Variants in MTHFD2 observed in about 807,000 individuals in gnomAD.
MTHFD2 encodes methylenetetrahydrofolate dehydrogenase (NADP+ dependent) 2, methenyltetrahydrofolate cyclohydrolase.
In MTHFD2, 26 loss-of-function variants were observed where a neutral mutation model predicts 36.8. That is an observed-to-expected ratio of 0.71 (90% confidence interval 0.52 to 0.98). The LOEUF is 0.98. Ranked by LOEUF, MTHFD2 falls within the 50% of genes least tolerant of loss-of-function variation. The probability of loss-of-function intolerance (pLI) is 0.00; values close to 1 mark genes in which losing one functional copy is unlikely to be tolerated. For synonymous variants in MTHFD2, 164 were observed against 155.2 expected (o/e 1.06, Z -0.42); for missense variants, 373 against 434.0 (o/e 0.86, Z 1.25).
intron 7 of MTHFD2, among the ~76,000 whole-genome samples, chr2:74,212,598 C>A (rs1485682090): frequency 6.6e-6 from 1 of 151,924 alleles, no homozygotes; most frequent in Non-Finnish European, 1.5e-5. Context: ...ATTAGAGAAA[C>A]CTTTTTAAAA....
At chr2:74,213,237 C>T (rs751978622) in intron 7 of MTHFD2, among the ~76,000 whole-genome samples, 27 of 146,366 alleles carry the variant, frequency 1.8e-4, no homozygotes, top group Non-Finnish European at 2.7e-4. Context: ...AATGTTTATC[C>T]GAGTTTTATG....
rs1694475162 is a variant in MTHFD2 at position 74,217,313 on chromosome 2, T to G, written c.*3071T>G. ...GGTCATAGTAGGCATTAAATCAACA[T>G]GGTTGGTGTTCATTAAATGTGGATT... On this transcript the variant is annotated 3_prime_UTR_variant, in exon 8 of 8. Coordinates refer to ENST00000394053, the MANE Select transcript of MTHFD2 (RefSeq NM_006636.4). 6.6e-6 allele frequency: 1 copy of G among 152,226 alleles called. No homozygotes were observed. Among genetic ancestry groups the G allele is most frequent in the African/African-American group, 2.4e-5 (1 of 41,468 alleles). The allele number at this position is 152,226 out of a possible 1,614,324, so 9.4% of individuals were successfully genotyped here. A position where few individuals can be genotyped will look rare whatever the true frequency, so the allele number is the denominator to read the frequency against.
chr2:74,203,906 G>GTTTAGTTAGT lies in MTHFD2; in HGVS notation c.102-1797_102-1796insTAGTTAGTTT, dbSNP rs369717981. Among the ~76,000 whole-genome samples, 269 of 29,462 alleles carry GTTTAGTTAGT rather than the reference G, an allele frequency of 9.1e-3. 3 individuals are homozygous for GTTTAGTTAGT. The highest frequency in any genetic ancestry group is 0.058 in the Middle Eastern group (3 of 52). 19.3% of individuals were successfully genotyped at this position (29,462 alleles called of 152,430 possible). On this transcript the variant is annotated intron_variant, in intron 1 of 7. Transcript: ENST00000394053. ...GTTTAGTTTAGTTTAGTTTAGTTTA[G>GTTTAGTTAGT]TTAGTTTAGTTTAGTTTAGTTTTTT...
intron 1 of MTHFD2, among the ~76,000 whole-genome samples, chr2:74,202,194 T>C (rs554841682): frequency 1.0e-3 from 153 of 152,282 alleles, no homozygotes; most frequent in African/African-American, 3.6e-3. Context: ...TATATACTTA[T>C]ATATATCTCC....
rs1448755215 is a variant in MTHFD2 at position 74,198,718 on chromosome 2, G to A, written c.77G>A (p.Arg26His). 1 of 1,610,474 alleles carries A rather than the reference G, an allele frequency of 6.2e-7. No individual in the cohort carries two copies. Among genetic ancestry groups the A allele is most frequent in the Admixed American group, 1.7e-5 (1 of 59,846 alleles). Residue 26 changes from arginine to histidine, a missense_variant, in exon 1 of 8, where the codon CGC (arginine) becomes CAC (histidine). This residue lies in a region of MTHFD2 where 65 missense variants were observed against 36.1 expected (regional missense o/e 1.80). Transcript: ENST00000394053. ...QPAHSCSLRL[R>H]PFHLAAVRNE... ...GCGCACAGCTGCTCCCTTCGCCTTC[G>A]CCCTTTCCACCTCGCGGCAGTTCGG...
chr2:74,204,465 T>C (rs1389007724), intron 1 of MTHFD2, among the ~76,000 whole-genome samples: 2 of 152,208 alleles, frequency 1.3e-5, no homozygotes, highest in Non-Finnish European at 2.9e-5. Flanking sequence ...TGTCTCCCAT[T>C]GGTGTGACTA....
intron 1 of MTHFD2, among the ~76,000 whole-genome samples, chr2:74,203,181 T>G (rs1694081157): frequency 6.6e-6 from 1 of 152,228 alleles, no homozygotes; most frequent in South Asian, 2.1e-4. Flanking sequence ...AATTTTTGTA[T>G]TTTTAGTAGA....
intron 2 of MTHFD2, among the ~76,000 whole-genome samples, chr2:74,207,153 G>T (rs931705617): frequency 6.6e-6 from 1 of 151,804 alleles, no homozygotes; most frequent in African/African-American, 2.4e-5. Flanking sequence ...TTTAGAGACG[G>T]AGTCTCGCTC....
intron 2 of MTHFD2, 99 bp downstream of exon 2, chr2:74,205,988 C>G: frequency 1.6e-6 from 2 of 1,280,086 alleles, no homozygotes; most frequent in Non-Finnish European, 2.2e-6. Flanking sequence ...TTAGGAAACC[C>G]AAGCAGAGGA....
chr2:74,211,705 C>T, intron 6 of MTHFD2, 36 bp from the exon 7 acceptor site: 2 of 1,560,830 alleles, frequency 1.3e-6, no homozygotes, highest in Non-Finnish European at 1.7e-6. Context: ...AGACTGTTTT[C>T]AGTACTAAGT....
chr2:74,202,003 T>A (rs1694052845), intron 1 of MTHFD2, among the ~76,000 whole-genome samples: 1 of 152,038 alleles, frequency 6.6e-6, no homozygotes, highest in South Asian at 2.1e-4. Context: ...AGAACCTGCT[T>A]TTGGAAGCAA....
At chr2:74,204,752 A>G (rs1157591232) in intron 1 of MTHFD2, among the ~76,000 whole-genome samples, 1 of 152,186 alleles carries the variant, frequency 6.6e-6, no homozygotes, top group African/African-American at 2.4e-5. Flanking sequence ...TATTCTTACC[A>G]GGAAAGTCTT....
Position 74,198,745 on chromosome 2 carries a change from A to G in MTHFD2, c.101+3A>G. 4 of 1,605,808 alleles carry G rather than the reference A, an allele frequency of 2.5e-6. No homozygotes were observed. The highest frequency in any genetic ancestry group is 3.4e-6 in the Non-Finnish European group (4 of 1,176,896). Reference sequence around the variant, plus strand: ...CCTTTCCACCTCGCGGCAGTTCGGTAAGAGGGTCACAGAGCTCGGTCAGCG... The same window carrying G: ...CCTTTCCACCTCGCGGCAGTTCGGTGAGAGGGTCACAGAGCTCGGTCAGCG... On this transcript the variant is annotated splice_donor_region_variant and intron_variant, in intron 1 of 7. Coordinates refer to ENST00000394053, the MANE Select transcript of MTHFD2 (RefSeq NM_006636.4).
Position 74,208,554 on chromosome 2 carries a change from C to A in MTHFD2, c.410-15C>A. The A allele has an allele frequency of 3.1e-6, 5 of 1,612,550 alleles. No individual in the cohort carries two copies. The highest frequency in any genetic ancestry group is 4.2e-6 in the Non-Finnish European group (5 of 1,179,018). On this transcript the variant is annotated splice_polypyrimidine_tract_variant and intron_variant, in intron 3 of 7. Transcript: ENST00000394053. ...CGGTGGTGATTTAAGGCAACTGTGCCAATTTCTTTTTCAGAGCATATTGAT... is the reference window on the plus strand; with the variant it reads ...CGGTGGTGATTTAAGGCAACTGTGCAAATTTCTTTTTCAGAGCATATTGAT...
At chr2:74,204,588 C>T (rs13385639) in intron 1 of MTHFD2, among the ~76,000 whole-genome samples, 11,496 of 152,216 alleles carry the variant, frequency 0.076, 743 homozygotes, top group African/African-American at 0.18. Context: ...TAAGCTTTTG[C>T]GCCAACTGGA....
chr2:74,210,802 T>TTTTTTTTTTTTC (rs57479849), intron 5 of MTHFD2, among the ~76,000 whole-genome samples: 1 of 151,636 alleles, frequency 6.6e-6, no homozygotes, highest in South Asian at 2.1e-4. Context: ...TTTTTTTTTT[T>TTTTTTTTTTTTC]CCTGGAGATG....
intron 1 of MTHFD2, among the ~76,000 whole-genome samples, chr2:74,205,380 CAGACTGATGTG>C (rs1694153281): frequency 6.6e-6 from 1 of 152,250 alleles, no homozygotes; most frequent in East Asian, 1.9e-4. Context: ...GTTAAGAGCC[CAGACTGATGTG>C]AGACTCAGCT....
chr2:74,207,972 A>AATCAT (rs1694220257), intron 3 of MTHFD2, 146 bp downstream of exon 3: 1 of 834,394 alleles, frequency 1.2e-6, no homozygotes, highest in South Asian at 2.1e-5. Flanking sequence ...GCAATGGTAC[A>AATCAT]ATCATAGCTC....
intron 3 of MTHFD2, among the ~76,000 whole-genome samples, chr2:74,208,211 G>A (rs995832725): frequency 1.3e-5 from 2 of 150,782 alleles, no homozygotes; most frequent in African/African-American, 4.8e-5. Flanking sequence ...GGGTAAAAAG[G>A]CCTTGTTACT....
Sources: allele counts gnomAD v4.1 joint callset (sites outside exome capture counted in the v4.1 genomes callset), GRCh38; gene constraint gnomAD v4.1.1; regional missense constraint gnomAD v4.1.1; transcripts MANE v1.5; gene names NCBI Gene and HGNC (gene_info 2026-07-23, HGNC 2026-07-21).